Variants in PALLD observed in about 807,000 individuals in gnomAD.
The protein encoded by PALLD is palladin.
In PALLD, 61 loss-of-function variants were observed where a neutral mutation model predicts 123.5. The observed-to-expected ratio is 0.49, with a 90% CI of 0.40 to 0.61. PALLD has a LOEUF of 0.61. PALLD is among the 20% of genes least tolerant of loss of function. The pLI, the probability that PALLD is intolerant of heterozygous loss-of-function variation, is 0.00. For synonymous variants in PALLD, 465 were observed against 496.4 expected (o/e 0.94, Z 0.84); for missense variants, 1,273 against 1,377.0 (o/e 0.92, Z 1.20).
intron 2 of PALLD, among the ~76,000 whole-genome samples, chr4:168,586,669 C>T (rs1271262821): frequency 6.6e-6 from 1 of 152,110 alleles, no homozygotes; most frequent in African/African-American, 2.4e-5. Context: ...GCCCAGTGCT[C>T]CTGGTGGCAG....
At chr4:168,617,192 AT>A (rs892784312) in intron 2 of PALLD, among the ~76,000 whole-genome samples, 2 of 152,130 alleles carry the variant, frequency 1.3e-5, no homozygotes, top group Non-Finnish European at 2.9e-5. Context: ...CCAACTCTCC[AT>A]TTCTTCTATA....
At chr4:168,767,488 G>A (rs1733828844) in intron 10 of PALLD, among the ~76,000 whole-genome samples, 1 of 151,512 alleles carries the variant, frequency 6.6e-6, no homozygotes, top group African/African-American at 2.4e-5. Context: ...TAATAACAAT[G>A]TCAGCATTCA....
At chr4:168,650,779 A>T (rs1777961126) in intron 2 of PALLD, among the ~76,000 whole-genome samples, 1 of 152,080 alleles carries the variant, frequency 6.6e-6, no homozygotes, top group Admixed American at 6.6e-5. Flanking sequence ...GGAAAACTGT[A>T]CCCATACCCT....
chr4:168,669,826 T>A (rs939332796), intron 3 of PALLD, among the ~76,000 whole-genome samples: 2 of 135,134 alleles, frequency 1.5e-5, no homozygotes, highest in African/African-American at 6.0e-5. Flanking sequence ...ACACACACAA[T>A]CATTTATACT....
At position 168,924,413 on chromosome 4, in the gene PALLD, C is replaced by A. The variant is rs1278588804; in HGVS notation, c.3217C>A (p.Arg1073=). 1 of 1,613,018 alleles carries A rather than the reference C, an allele frequency of 6.2e-7. No homozygotes were observed. The highest frequency in any genetic ancestry group is 1.3e-5 in the African/African-American group (1 of 74,854). Residue 1073 remains arginine, a synonymous_variant, in exon 19 of 22, where the codon CGA becomes AGA. Coordinates refer to ENST00000505667, the MANE Select transcript of PALLD (RefSeq NM_001166108.2). ...TGAATCACTCACTCACAGCACTGAC[C>A]GAGTGAGGTAAGACTGCACAATGAG... The part of the protein sequence containing the change: ...ENESLTHSTD[R]VSMHQDNHGY...
chr4:168,776,399 C>G (rs1430581079), intron 10 of PALLD, among the ~76,000 whole-genome samples: 1 of 152,166 alleles, frequency 6.6e-6, no homozygotes, highest in Non-Finnish European at 1.5e-5. Flanking sequence ...ATTCTAGTAG[C>G]ATTTTTATAG....
chr4:168,917,196 G>A (rs1047046449), intron 17 of PALLD, among the ~76,000 whole-genome samples: 4 of 150,950 alleles, frequency 2.6e-5, no homozygotes, highest in Admixed American at 6.6e-5. Flanking sequence ...GTACAGGCAC[G>A]CACCACCACG....
intron 10 of PALLD, among the ~76,000 whole-genome samples, chr4:168,780,889 T>C (rs1244728623): frequency 6.6e-6 from 1 of 152,176 alleles, no homozygotes; most frequent in African/African-American, 2.4e-5. Flanking sequence ...GGTTTCGCTA[T>C]GTTGGCCAGG....
intron 2 of PALLD, among the ~76,000 whole-genome samples, chr4:168,624,108 AT>A (rs1307190746): frequency 6.6e-6 from 1 of 152,194 alleles, no homozygotes; most frequent in African/African-American, 2.4e-5. Context: ...TACAAATAAT[AT>A]TTTTGGTCAC....
rs140214180 is a variant in PALLD, at chr4:168,763,748, G to C, written c.1964+51825G>C. Among the ~76,000 whole-genome samples, 29 of 152,260 alleles carry C rather than the reference G, an allele frequency of 1.9e-4. No homozygotes were observed. The East Asian group carries it at 5.4e-3, about 28-fold the overall frequency. On this transcript the variant is annotated intron_variant, in intron 10 of 21. Transcript: ENST00000505667. ...ATGGAGCCATTGTACCCTGGCCATG[G>C]TTTTTGTTTTAGATCAGCATCAGGT...
At chr4:168,855,080 A>C (rs1232382173) in intron 10 of PALLD, among the ~76,000 whole-genome samples, 6 of 146,724 alleles carry the variant, frequency 4.1e-5, no homozygotes, top group Non-Finnish European at 1.5e-5. Flanking sequence ...AATGCTGAGA[A>C]GGAATGTTCT....
At chr4:168,851,677 T>C (rs1747815999) in intron 10 of PALLD, among the ~76,000 whole-genome samples, 1 of 152,192 alleles carries the variant, frequency 6.6e-6, no homozygotes, top group Non-Finnish European at 1.5e-5. Context: ...GAAACCTGTT[T>C]CTATTAAAAG....
chr4:168,891,762 T>C (rs1754186494), intron 11 of PALLD, among the ~76,000 whole-genome samples: 1 of 151,392 alleles, frequency 6.6e-6, no homozygotes, highest in African/African-American at 2.4e-5. Flanking sequence ...CGCTTTGGAA[T>C]GGTTTGTATC....
intron 10 of PALLD, among the ~76,000 whole-genome samples, chr4:168,833,570 T>C (rs893531183): frequency 1.3e-4 from 20 of 152,058 alleles, no homozygotes; most frequent in African/African-American, 4.6e-4. Context: ...GGTTAAGGAA[T>C]GGTGTCACCA....
At chr4:168,888,034 T>G (rs189867103) in intron 10 of PALLD, among the ~76,000 whole-genome samples, 39 of 151,956 alleles carry the variant, frequency 2.6e-4, no homozygotes, top group South Asian at 1.9e-3. Context: ...TTCCAAGGAG[T>G]CATTAAGCTG....
chr4:168,499,956 A>G (rs1761223206), intron 1 of PALLD, among the ~76,000 whole-genome samples: 1 of 152,252 alleles, frequency 6.6e-6, no homozygotes, highest in Non-Finnish European at 1.5e-5. Flanking sequence ...CTAAATTTTT[A>G]AAGTAATTTC....
chr4:168,685,525 C>T lies in PALLD; in HGVS notation c.1301C>T (p.Thr434Ile), dbSNP rs371200706. The T allele has an allele frequency of 3.2e-4, 509 of 1,612,432 alleles. No homozygotes were observed. The highest frequency in any genetic ancestry group is 4.1e-4 in the Non-Finnish European group (489 of 1,178,564). The part of the protein sequence containing the change: ...PTSYLCRPDG[T>I]TTAYFPPVFT... ...TCATATCTCTGCCGACCTGATGGAACCACTACTGCCTACTTTCCTCCTGTT... is the reference window on the plus strand; with the variant it reads ...TCATATCTCTGCCGACCTGATGGAATCACTACTGCCTACTTTCCTCCTGTT... The change falls in exon 6 of 22, where the codon ACC becomes ATC. Residue 434 changes from threonine to isoleucine, a missense_variant. This residue lies in a region of PALLD where 944 missense variants were observed against 954.5 expected (regional missense o/e 0.99). Coordinates refer to ENST00000505667, the MANE Select transcript of PALLD (RefSeq NM_001166108.2).
intron 10 of PALLD, among the ~76,000 whole-genome samples, chr4:168,830,256 T>C (rs34302125): frequency 0.097 from 14,186 of 145,602 alleles, 899 homozygotes; most frequent in East Asian, 0.17. Flanking sequence ...AAAAAAAAGT[T>C]ATAGGCTGAG....
intron 17 of PALLD, among the ~76,000 whole-genome samples, chr4:168,919,573 A>G (rs1761004163): frequency 6.8e-6 from 1 of 146,504 alleles, no homozygotes; most frequent in South Asian, 2.1e-4. Context: ...ATAGATCAGG[A>G]AAAAAAAAAA....
Sources: gnomAD v4.1 joint callset for allele counts (sites outside exome capture counted in the v4.1 genomes callset) on GRCh38, gnomAD v4.1.1 for gene constraint, gnomAD v4.1.1 regional missense constraint, MANE v1.5 for transcripts, NCBI Gene and HGNC (gene_info 2026-07-23, HGNC 2026-07-21) for gene names.